Variants in PRB3 observed in about 807,000 individuals in gnomAD.
The protein encoded by PRB3 is proline rich protein BstNI subfamily 3.
PRB3 carries 9 observed loss-of-function variants against 10.0 expected under a neutral mutation model. The observed-to-expected ratio is 0.90, with a 90% CI of 0.54 to 1.57. The LOEUF is 1.57. PRB3 is among the 40% of genes most tolerant of loss of function. The pLI is 0.00. For missense variants in PRB3, 285 were observed against 385.5 expected (o/e 0.74, Z 2.18); for synonymous variants, 89 against 138.6 (o/e 0.64, Z 2.52).
Position 11,267,311 on chromosome 12 carries a change from G to C in PRB3, c.938C>G (p.Pro313Arg). Residue 313 changes from proline (P) to arginine (R), a missense_variant, in exon 3 of 4, where the codon CCA becomes CGA. By Grantham distance (103) the Pro-to-Arg change is moderately radical. Coordinates refer to ENST00000538488, the MANE Select transcript of PRB3 (RefSeq NM_001394862.1). The part of the protein sequence containing the change: ...PPPGRPQGPP[P>R]PGGNPQQPLP... ...AGGCTGCTGGGGATTGCCTCCTGGTGGGGGTGGTCCTTGTGGCCTTCCTGG... is the reference window on the plus strand; with the variant it reads ...AGGCTGCTGGGGATTGCCTCCTGGTCGGGGTGGTCCTTGTGGCCTTCCTGG... The C allele has an allele frequency of 6.2e-7, 1 of 1,612,092 alleles. No individual in the cohort carries two copies. Among genetic ancestry groups the C allele is most frequent in the South Asian group, 1.1e-5 (1 of 90,860 alleles).
intron 3 of PRB3, 36 bp from the exon 4 acceptor site, chr12:11,266,065 C>T (rs780934531): frequency 4.4e-6 from 2 of 454,362 alleles, no homozygotes; most frequent in African/African-American, 2.0e-5. Flanking sequence ...ATAGAGCAGA[C>T]TTGACATGGC....
Position 11,267,661 on chromosome 12 carries a change from A to G in PRB3, c.588T>C (p.Gly196=). The G allele has an allele frequency of 6.5e-7, 1 of 1,548,844 alleles. No homozygotes were observed. The highest frequency in any genetic ancestry group is 8.7e-7 in the Non-Finnish European group (1 of 1,151,706). The stretch of plus-strand genomic sequence containing the variant: ...CTGGCTTTCCCGGACGAGGTGGGGG[A>G]CCTTGGGACTGGTTTCCTCCTTGTG... The part of the protein sequence containing the change: ...PPPQGGNQSQ[G]PPPRPGKPEG... Residue 196 remains glycine (G), a synonymous_variant, in exon 3 of 4, where the codon GGT becomes GGC. Transcript: ENST00000538488.
intron 2 of PRB3, 50 bp downstream of exon 2, chr12:11,268,583 A>G (rs1488367982): frequency 8.4e-6 from 13 of 1,554,258 alleles, no homozygotes; most frequent in South Asian, 1.1e-5. Flanking sequence ...TGATCCATTC[A>G]TAAGCAGAAG....
Position 11,269,629 on chromosome 12 carries a change from C to G in PRB3, c.41G>C (p.Ser14Thr). ...ILLSVALLAL[S>T]SAQSLNEDVS... ...ACCTTCATTTAAGCTCTGAGCTGAG[C>G]TCAGGGCCAGCAGGGCCACCGACAG... The change falls in exon 1 of 4, where the codon AGC becomes ACC. Residue 14 changes from serine (S) to threonine (T), a missense_variant. Ser to Thr is a moderately conservative substitution (Grantham distance 58). Coordinates refer to ENST00000538488, the MANE Select transcript of PRB3 (RefSeq NM_001394862.1). 6.2e-7 allele frequency: 1 copy of G among 1,614,138 alleles called. No homozygotes were observed. Among genetic ancestry groups the G allele is most frequent in the Non-Finnish European group, 8.5e-7 (1 of 1,179,978 alleles).
intron 2 of PRB3, among the ~76,000 whole-genome samples, 151 bp from the exon 3 acceptor site, chr12:11,268,299 GAGA>G (rs1210070182): frequency 3.9e-5 from 6 of 152,182 alleles, no homozygotes; most frequent in African/African-American, 1.4e-4. Context: ...TGGAATGCTG[GAGA>G]AGAAGGAAGC....
rs377511579 is a variant in PRB3, at chr12:11,267,487, T to C, written c.762A>G (p.Gly254=). The change falls in exon 3 of 4, where the codon GGA becomes GGG. Residue 254 remains glycine, a synonymous_variant. Coordinates refer to ENST00000538488, the MANE Select transcript of PRB3 (RefSeq NM_001394862.1). ...GKPEGPPPQG[G]NQSQGPPPRP... ...GAGGTGGGGGACCTTGGGACTGGTTTCCTCCTTGTGGGGGTGGTCCTTCTG... is the reference window on the plus strand; with the variant it reads ...GAGGTGGGGGACCTTGGGACTGGTTCCCTCCTTGTGGGGGTGGTCCTTCTG... The C allele has an allele frequency of 3.4e-6, 4 of 1,177,492 alleles. No individual in the cohort carries two copies. The highest frequency in any genetic ancestry group is 4.3e-5 in the African/African-American group (2 of 46,546). The allele number at this position is 1,177,492 out of a possible 1,614,324, so 72.9% of individuals were successfully genotyped here.
rs151258805 is a variant in PRB3, at chr12:11,268,401, G to A, written c.100+232C>T. 3.3e-5 allele frequency among the ~76,000 whole-genome samples: 5 copies of A among 152,228 alleles called. No homozygotes were observed. In the East Asian group the frequency reaches 7.7e-4, roughly 24 times the overall value. ...TCCCAGCAGGCACTCCTGGCAGGAG[G>A]GAAGTCAACCCACTCCCGTTTTCAT... On this transcript the variant is annotated intron_variant, in intron 2 of 3. Coordinates refer to ENST00000538488, the MANE Select transcript of PRB3 (RefSeq NM_001394862.1).
rs751841703 is a variant in PRB3 at position 11,268,643 on chromosome 12, G to A, written c.90C>T (p.Ser30=). The change falls in exon 2 of 4, where the codon TCC becomes TCT. Residue 30 remains serine (S), a synonymous_variant. Coordinates refer to ENST00000538488, the MANE Select transcript of PRB3 (RefSeq NM_001394862.1). ...TGAATTGGGATTTACCTGATATTAC[G>A]GAGGGAGATTCTTCCTGGCTGACAT... The part of the protein sequence containing the change: ...NEDVSQEESP[S]VISGKPEGRR... 37 of 1,612,174 alleles carry A rather than the reference G, an allele frequency of 2.3e-5. No homozygotes were observed. The highest frequency in any genetic ancestry group is 3.3e-5 in the Admixed American group (2 of 59,996).
intron 2 of PRB3, 140 bp from the exon 3 acceptor site, chr12:11,268,288 G>T: frequency 7.0e-7 from 1 of 1,423,212 alleles, no homozygotes. Flanking sequence ...GAACTCTGGA[G>T]TGGAATGCTG....
chr12:11,269,198 C>T lies in PRB3; in HGVS notation c.64+408G>A, dbSNP rs141767170. 2.1e-3 allele frequency among the ~76,000 whole-genome samples: 326 copies of T among 152,258 alleles called. 2 individuals carry two copies. The highest frequency in any genetic ancestry group is 7.6e-3 in the African/African-American group (314 of 41,534). ...TTATCCAGTTCTGTCTCTGCAGTATCTCTAATGTGTGTTTATCTCCATCAT... is the reference window on the plus strand; with the variant it reads ...TTATCCAGTTCTGTCTCTGCAGTATTTCTAATGTGTGTTTATCTCCATCAT... On this transcript the variant is annotated intron_variant, in intron 1 of 3. Transcript: ENST00000538488.
chr12:11,268,588 CAGA>C (rs751455193), intron 2 of PRB3, 42 bp downstream of exon 2: 6 of 1,561,262 alleles, frequency 3.8e-6, no homozygotes, highest in Non-Finnish European at 5.3e-6. Flanking sequence ...CATTCATAAG[CAGA>C]AGAAGATAGT....
At chr12:11,266,533 A>C (rs1021145052) in intron 3 of PRB3, among the ~76,000 whole-genome samples, 5 of 152,204 alleles carry the variant, frequency 3.3e-5, no homozygotes, top group African/African-American at 1.2e-4. Flanking sequence ...ATACCTGCAT[A>C]TAAGTTATGG....
At position 11,267,296 on chromosome 12, in the gene PRB3, G is replaced by A. The variant is rs1032498223; in HGVS notation, c.953C>T (p.Pro318Leu). 1 of 1,612,940 alleles carries A rather than the reference G, an allele frequency of 6.2e-7. No homozygotes were observed. The highest frequency in any genetic ancestry group is 1.3e-5 in the African/African-American group (1 of 74,960). ...AGCGGGAGGTGGCAGAGGCTGCTGG[G>A]GATTGCCTCCTGGTGGGGGTGGTCC... ...PQGPPPPGGN[P>L]QQPLPPPAGK... Residue 318 changes from proline to leucine, a missense_variant, in exon 3 of 4, where the codon CCC (proline) becomes CTC (leucine). By Grantham distance (98) the Pro-to-Leu change is moderately conservative (BLOSUM62 -3). Coordinates refer to ENST00000538488, the MANE Select transcript of PRB3 (RefSeq NM_001394862.1).
chr12:11,268,714 T>C, intron 1 of PRB3, 46 bp from the exon 2 acceptor site: 5 of 1,591,762 alleles, frequency 3.1e-6, no homozygotes, highest in South Asian at 2.2e-5. Context: ...ATCTCGAATT[T>C]TGCAAGATTC....
In PRB3 at chr12:11,268,667, A is replaced by T. The variant is rs1463585027; in HGVS notation, c.66T>A (p.Asp22Glu). ...CGGAGGGAGATTCTTCCTGGCTGAC[A>T]TCTAGAAGAGAAGCACAGGATGATG... Reference protein sequence around the residue: ...ALSSAQSLNEDVSQEESPSVI... With the variant: ...ALSSAQSLNEEVSQEESPSVI... Residue 22 changes from aspartate to glutamate, a missense_variant and splice_region_variant, in exon 2 of 4, where the codon GAT becomes GAA. Asp to Glu is a conservative substitution (Grantham distance 45). Transcript: ENST00000538488. 6.2e-7 allele frequency: 1 copy of T among 1,613,030 alleles called. No individual in the cohort carries two copies. The highest frequency in any genetic ancestry group is 8.5e-7 in the Non-Finnish European group (1 of 1,178,940).
Position 11,268,099 on chromosome 12 carries a change from G to T in PRB3, c.150C>A (p.Thr50=), listed in dbSNP as rs1345360161. 1.9e-6 allele frequency: 3 copies of T among 1,612,866 alleles called. No homozygotes were observed. Among genetic ancestry groups the T allele is most frequent in the South Asian group, 2.2e-5 (2 of 90,994 alleles). ...RPQGGNQPQR[T]PPPPGKPEGR... The stretch of plus-strand genomic sequence containing the variant: ...CTTCTGGCTTTCCTGGAGGAGGTGG[G>T]GTACGTTGGGGCTGGTTTCCTCCTT... Residue 50 remains threonine (T), a synonymous_variant, in exon 3 of 4, where the codon ACC becomes ACA. Transcript: ENST00000538488.
rs201540020 is a variant in PRB3, at chr12:11,267,959, C to T, written c.290G>A (p.Gly97Glu). The T allele has an allele frequency of 7.5e-4, 1,174 of 1,568,938 alleles. 49 individuals are homozygous for T. Among genetic ancestry groups the T allele is most frequent in the Middle Eastern group, 2.4e-3 (14 of 5,726 alleles). ...TTGTGGGGGTTGTCCTTCTGGCTTTCCCGGACGAGGTGGGGGACCTTGGGA... is the reference window on the plus strand; with the variant it reads ...TTGTGGGGGTTGTCCTTCTGGCTTTTCCGGACGAGGTGGGGGACCTTGGGA... ...NQSQGPPPRP[G>E]KPEGQPPQGG... The change falls in exon 3 of 4, where the codon GGA becomes GAA. Residue 97 changes from glycine to glutamate, a missense_variant. Physicochemically the swap from Gly to Glu is moderately conservative, Grantham distance 98. This residue lies in a region of PRB3 where 147 missense variants were observed against 129.4 expected (regional missense o/e 1.14). Transcript: ENST00000538488.
rs1169699011 is a variant in PRB3 at position 11,265,985 on chromosome 12, T to G, written c.*62A>C. On this transcript the variant is annotated 3_prime_UTR_variant, in exon 4 of 4. Transcript: ENST00000538488. ...CTATGACCACCTTCTTCCAATGTCA[T>G]GGCATTTGAATCATTTGAATCACTG... 3 of 456,494 alleles carry G rather than the reference T, an allele frequency of 6.6e-6. No individual in the cohort carries two copies. The highest frequency in any genetic ancestry group is 1.3e-5 in the Non-Finnish European group (3 of 226,790). The allele number at this position is 456,494 out of a possible 1,614,324, so 28.3% of individuals were successfully genotyped here.
chr12:11,268,042 T>A lies in PRB3; in HGVS notation c.207A>T (p.Gln69His), dbSNP rs1293931494. The A allele has an allele frequency of 1.3e-6, 2 of 1,599,376 alleles. No homozygotes were observed. The highest frequency in any genetic ancestry group is 4.6e-5 in the East Asian group (2 of 43,698). ...GRPPQGGNQSQGPPPRPGKPE... is the reference protein window; with the variant it reads ...GRPPQGGNQSHGPPPRPGKPE... ...GCTTTCCTGGACGAGGTGGGGGACC[T>A]TGGGACTGGTTGCCTCCTTGTGGGG... Residue 69 changes from glutamine to histidine, a missense_variant, in exon 3 of 4, where the codon CAA becomes CAT. By Grantham distance (24) the Gln-to-His change is conservative. Around this residue, in one of 3 missense-constraint regions of PRB3, gnomAD observed 147 missense variants for 129.4 expected, o/e 1.14. Coordinates refer to ENST00000538488, the MANE Select transcript of PRB3 (RefSeq NM_001394862.1).
Sources: allele counts gnomAD v4.1 joint callset (sites outside exome capture counted in the v4.1 genomes callset), GRCh38; gene constraint gnomAD v4.1.1; regional missense constraint gnomAD v4.1.1; transcripts MANE v1.5; gene names NCBI Gene and HGNC (gene_info 2026-07-23, HGNC 2026-07-21).